Variants in ANKRD10 observed in about 807,000 individuals in gnomAD.
ANKRD10 encodes the protein ankyrin repeat domain-containing protein 10.
In ANKRD10, 14 loss-of-function variants were observed where a neutral mutation model predicts 27.0. The observed-to-expected ratio is 0.52, with a 90% CI of 0.34 to 0.81. The LOEUF (loss-of-function observed/expected upper bound fraction) is 0.81, where lower values mean the gene tolerates loss of function less well. Ranked by LOEUF, ANKRD10 falls within the 40% of genes least tolerant of loss-of-function variation. ANKRD10 has a pLI of 0.01. For synonymous variants in ANKRD10, 250 were observed against 224.5 expected, an observed-to-expected ratio of 1.11 and a Z score of -1.01; for missense variants, 493 against 544.0, an observed-to-expected ratio of 0.91 and a Z score of 0.93.
intron 4 of ANKRD10, among the ~76,000 whole-genome samples, chr13:110,888,512 T>TA (rs1594553886): frequency 6.6e-6 from 1 of 152,154 alleles, no homozygotes. Context: ...CGTCAGGAGT[T>TA]AAAGTGCTAT....
chr13:110,894,405 A>AAAAAAAAAAAAC (rs2065167426), intron 3 of ANKRD10: 1 of 55,152 alleles, frequency 1.8e-5, no homozygotes, highest in Non-Finnish European at 3.0e-5. Context: ...TGTTAATGCA[A>AAAAAAAAAAAAC]AAAAAAAAAA....
At chr13:110,913,583 G>A (rs2065785348) in intron 1 of ANKRD10, among the ~76,000 whole-genome samples, 1 of 152,174 alleles carries the variant, frequency 6.6e-6, no homozygotes, top group South Asian at 2.1e-4. Flanking sequence ...ATCAGAAACT[G>A]CTTTCCAAAA....
At chr13:110,890,138 A>C (rs944640979) in intron 4 of ANKRD10, among the ~76,000 whole-genome samples, 4 of 152,234 alleles carry the variant, frequency 2.6e-5, no homozygotes, top group African/African-American at 9.6e-5. Flanking sequence ...AACAAAATCA[A>C]AACAAGATGC....
intron 2 of ANKRD10, among the ~76,000 whole-genome samples, chr13:110,908,711 A>G (rs1228321079): frequency 6.6e-6 from 1 of 152,192 alleles, no homozygotes; most frequent in Non-Finnish European, 1.5e-5. Flanking sequence ...TGTCCTCTAG[A>G]GTCACTGGGT....
intron 3 of ANKRD10, among the ~76,000 whole-genome samples, chr13:110,897,911 T>C (rs1164824934): frequency 1.3e-5 from 2 of 152,218 alleles, no homozygotes; most frequent in Non-Finnish European, 2.9e-5. Flanking sequence ...CAATCTCTCA[T>C]TGTGGTTTTG....
In ANKRD10 at chr13:110,914,987, G is replaced by T. The variant is rs1343235739; in HGVS notation, c.-53C>A. ...GCTGGCCTAGAGGACGCGTCGGGGA[G>T]GACTCGAGAAGCCGCCGCCGCAGCA... On this transcript the variant is annotated 5_prime_UTR_variant, in exon 1 of 6. Transcript: ENST00000267339. 6 of 1,499,794 alleles carry T rather than the reference G, an allele frequency of 4.0e-6. No individual in the cohort carries two copies. Among genetic ancestry groups the T allele is most frequent in the Admixed American group, 2.1e-5 (1 of 47,512 alleles). 92.9% of individuals were successfully genotyped at this position (1,499,794 alleles called of 1,614,324 possible).
At chr13:110,900,781 TTAAATAA>T (rs2065360367) in intron 3 of ANKRD10, 3 of 881,312 alleles carry the variant, frequency 3.4e-6, no homozygotes, top group Non-Finnish European at 4.9e-6. Context: ...TACAGGAAAC[TTAAATAA>T]TAAGGGATCA....
At chr13:110,888,361 G>T (rs1459848449) in intron 4 of ANKRD10, among the ~76,000 whole-genome samples, 1 of 151,890 alleles carries the variant, frequency 6.6e-6, no homozygotes, top group East Asian at 1.9e-4. Flanking sequence ...GTGTAATTCA[G>T]ACTGTATTTC....
intron 3 of ANKRD10, among the ~76,000 whole-genome samples, chr13:110,904,606 T>C (rs896701463): frequency 6.6e-6 from 1 of 152,208 alleles, no homozygotes; most frequent in African/African-American, 2.4e-5. Flanking sequence ...TAATGAAAGT[T>C]TGTTATAAAA....
At chr13:110,894,001 A>T in intron 3 of ANKRD10, 1 of 774,670 alleles carries the variant, frequency 1.3e-6, no homozygotes, top group Non-Finnish European at 2.1e-6. Flanking sequence ...AGTACTAAAA[A>T]GGAAAGGTCT....
At chr13:110,910,816 C>A in intron 1 of ANKRD10, 46 bp from the exon 2 acceptor site, 2 of 1,567,862 alleles carry the variant, frequency 1.3e-6, no homozygotes, top group East Asian at 2.3e-5. Flanking sequence ...CATGTCAGTA[C>A]ACTATTCAAT....
chr13:110,896,920 T>C (rs1289381305), intron 3 of ANKRD10, among the ~76,000 whole-genome samples: 2 of 152,194 alleles, frequency 1.3e-5, no homozygotes, highest in African/African-American at 4.8e-5. Context: ...AAATAGATGA[T>C]ACTGTAAATA....
chr13:110,885,248 A>G (rs1291171747), intron 4 of ANKRD10, among the ~76,000 whole-genome samples: 1 of 152,120 alleles, frequency 6.6e-6, no homozygotes, highest in Non-Finnish European at 1.5e-5. Flanking sequence ...ATCTTTTGAA[A>G]AAAAGAGAGA....
chr13:110,906,783 T>G (rs2065550518), intron 2 of ANKRD10, among the ~76,000 whole-genome samples: 1 of 151,976 alleles, frequency 6.6e-6, no homozygotes, highest in Non-Finnish European at 1.5e-5. Flanking sequence ...AAACCAAGCT[T>G]CATAAGAATG....
intron 1 of ANKRD10, among the ~76,000 whole-genome samples, chr13:110,913,647 T>TC (rs1330810931): frequency 2.4e-4 from 37 of 152,330 alleles, no homozygotes; most frequent in African/African-American, 8.7e-4. Context: ...AACCGCAACT[T>TC]CATCAGCTGG....
At chr13:110,899,648 C>T (rs4773269) in intron 3 of ANKRD10, among the ~76,000 whole-genome samples, 151,716 of 152,330 alleles carry the variant, frequency 1, 75,555 homozygotes, top group East Asian at 1. Context: ...GTGGAAACTA[C>T]GATGACTGTG....
chr13:110,899,727 A>G (rs2065331678), intron 3 of ANKRD10, among the ~76,000 whole-genome samples: 1 of 152,132 alleles, frequency 6.6e-6, no homozygotes, highest in Non-Finnish European at 1.5e-5. Flanking sequence ...TGAGCAGGCC[A>G]CCCATTTTCT....
intron 4 of ANKRD10, among the ~76,000 whole-genome samples, chr13:110,887,567 C>T (rs997720392): frequency 6.6e-6 from 1 of 152,210 alleles, no homozygotes; most frequent in African/African-American, 2.4e-5. Flanking sequence ...TAAAGTCATA[C>T]TTTGGGATAT....
rs1379873520 is a variant in ANKRD10, at chr13:110,894,336, C to A, written c.456-1073G>T. On this transcript the variant is annotated intron_variant, in intron 3 of 5. Transcript: ENST00000267339. ...CAGCAAAAGCATGATGAAATCAAGG[C>A]CTTGTGCTGTGTCACTCAAACAACC... 1.7e-5 allele frequency: 7 copies of A among 420,128 alleles called. No homozygotes were observed. The East Asian group carries it at 2.7e-4, about 16-fold the overall frequency. 26.0% of individuals were successfully genotyped at this position (420,128 alleles called of 1,614,324 possible). A position where few individuals can be genotyped will look rare whatever the true frequency, so the allele number is the denominator to read the frequency against.
Sources: gnomAD v4.1 joint callset for allele counts (sites outside exome capture counted in the v4.1 genomes callset) on GRCh38, gnomAD v4.1.1 for gene constraint, MANE v1.5 for transcripts, NCBI Gene and HGNC (gene_info 2026-07-23, HGNC 2026-07-21) for gene names.